The following NR3C1 variants were observed in gnomAD, a reference collection of about 807,000 sequenced individuals.
NR3C1 encodes the protein glucocorticoid receptor.
NR3C1 carries 14 observed loss-of-function variants against 74.0 expected under a neutral mutation model. The observed-to-expected ratio is 0.19, with a 90% CI of 0.12 to 0.30. NR3C1 has a LOEUF of 0.30. Among genes scored for constraint, NR3C1 ranks in the 10% least tolerant of loss-of-function variants. The pLI, the probability that NR3C1 is intolerant of heterozygous loss-of-function variation, is 1.00. For synonymous variants in NR3C1, 308 were observed against 332.5 expected (o/e 0.93, Z 0.80); for missense variants, 695 against 909.8 (o/e 0.76, Z 3.04).
exon 1 of NR3C1, chr5:143,435,177 A>C: frequency 1.0e-6 from 1 of 985,414 alleles, no homozygotes; most frequent in East Asian, 1.1e-4. Flanking sequence ...CCCTGCCTTC[A>C]CCACTTTCCC....
chr5:143,399,167 G>A (rs1561778746), intron 2 of NR3C1, among the ~76,000 whole-genome samples: 1 of 152,194 alleles, frequency 6.6e-6, no homozygotes, highest in African/African-American at 2.4e-5. Flanking sequence ...AGGGCTCTTT[G>A]TTAGTACTTC....
At chr5:143,292,420 A>C (rs548854065) in intron 7 of NR3C1, among the ~76,000 whole-genome samples, 1 of 152,250 alleles carries the variant, frequency 6.6e-6, no homozygotes, top group Non-Finnish European at 1.5e-5. Flanking sequence ...AGGCTAAGGA[A>C]GGGCTAGAAT....
chr5:143,401,199 A>C (rs1416482136), intron 1 of NR3C1: 12 of 275,720 alleles, frequency 4.4e-5, no homozygotes, highest in East Asian at 8.3e-5. Context: ...CTGAAGGTTC[A>C]AGTTGATGTC....
At chr5:143,409,362 T>C (rs1457082906) in intron 1 of NR3C1, 1 of 152,254 alleles carries the variant, frequency 6.6e-6, no homozygotes, top group Non-Finnish European at 1.5e-5. Flanking sequence ...CGTGATTCTT[T>C]GTCATGGCTT....
chr5:143,395,532 T>G (rs1263147045), intron 2 of NR3C1, among the ~76,000 whole-genome samples: 1 of 151,864 alleles, frequency 6.6e-6, no homozygotes, highest in African/African-American at 2.4e-5. Flanking sequence ...CAATTACTCT[T>G]GATGAAAATA....
At chr5:143,421,641 C>A (rs372431679) in intron 1 of NR3C1, among the ~76,000 whole-genome samples, 89 of 152,084 alleles carry the variant, frequency 5.9e-4, no homozygotes, top group African/African-American at 1.9e-3. Context: ...GCCAACATAG[C>A]AAAACCCCAT....
chr5:143,343,821 G>A (rs1457238724), intron 2 of NR3C1, among the ~76,000 whole-genome samples: 1 of 152,108 alleles, frequency 6.6e-6, no homozygotes, highest in African/African-American at 2.4e-5. Context: ...GTGGCACTGG[G>A]CCTAGATTTT....
chr5:143,333,613 C>T (rs1247358414), intron 2 of NR3C1, among the ~76,000 whole-genome samples: 1 of 152,046 alleles, frequency 6.6e-6, no homozygotes, highest in Non-Finnish European at 1.5e-5. Flanking sequence ...ACTAAAAATA[C>T]AAAAATGAGC....
intron 1 of NR3C1, among the ~76,000 whole-genome samples, chr5:143,423,467 G>A (rs72802813): frequency 0.16 from 24,728 of 151,980 alleles, 2,213 homozygotes; most frequent in Middle Eastern, 0.34. Context: ...GCTCTCAAAA[G>A]TGTGGAGAAA....
intron 1 of NR3C1, among the ~76,000 whole-genome samples, chr5:143,421,186 T>C (rs1751211882): frequency 6.6e-6 from 1 of 152,188 alleles, no homozygotes; most frequent in East Asian, 1.9e-4. Flanking sequence ...ATGGCTCCTG[T>C]AGCCTCTGGA....
intron 6 of NR3C1, 101 bp from the exon 7 acceptor site, chr5:143,295,691 AAAAC>A (rs1817021969): frequency 4.4e-6 from 4 of 906,910 alleles, no homozygotes; most frequent in South Asian, 1.3e-5. Context: ...CTCATAAAGA[AAAAC>A]AACTACTGCA....
At position 143,403,294 on chromosome 5, in the gene NR3C1, G is replaced by A. The variant is rs1028188273; in HGVS notation, c.-97C>T. 15 of 984,538 alleles carry A rather than the reference G, an allele frequency of 1.5e-5. No homozygotes were observed. The highest frequency in any genetic ancestry group is 8.7e-5 in the African/African-American group (5 of 57,144). The allele number at this position is 984,538 out of a possible 1,614,324, so 61.0% of individuals were successfully genotyped here. A position where few individuals can be genotyped will look rare whatever the true frequency, so the allele number is the denominator to read the frequency against. On this transcript the variant is annotated 5_prime_UTR_variant, in exon 1 of 9. Coordinates refer to ENST00000394464, the MANE Select transcript of NR3C1 (RefSeq NM_000176.3). ...AACAACTTAGCTTGTGAACGCAGAA[G>A]GAGCAGGAGGGAAATATATTTTTTT... is the stretch of plus-strand genomic sequence containing the variant.
At chr5:143,318,261 T>C (rs1822586158) in intron 2 of NR3C1, among the ~76,000 whole-genome samples, 2 of 152,184 alleles carry the variant, frequency 1.3e-5, no homozygotes, top group African/African-American at 2.4e-5. Context: ...CAGGTAATTA[T>C]AGATTGCCTT....
In NR3C1 at chr5:143,400,200, T is replaced by C. The variant is rs1461639820; in HGVS notation, c.640A>G (p.Arg214Gly). 1 of 1,609,870 alleles carries C rather than the reference T, an allele frequency of 6.2e-7. No individual in the cohort carries two copies. The highest frequency in any genetic ancestry group is 8.5e-7 in the Non-Finnish European group (1 of 1,178,418). The change falls in exon 2 of 9, where the codon AGA becomes GGA. Residue 214 changes from arginine (R) to glycine (G), a missense_variant. Around this residue, in one of 4 missense-constraint regions of NR3C1, gnomAD observed 497 missense variants for 489.5 expected, o/e 1.02. Coordinates refer to ENST00000394464, the MANE Select transcript of NR3C1 (RefSeq NM_000176.3). ...TTTTCATCTATCAACAGGTCTGATCTCCAAGGACTCTCATTCGTCTCTTTA... is the reference window on the plus strand; with the variant it reads ...TTTTCATCTATCAACAGGTCTGATCCCCAAGGACTCTCATTCGTCTCTTTA... ...PGKETNESPW[R>G]SDLLIDENCL...
In NR3C1 at chr5:143,385,304, T is replaced by C. The variant is rs192758384; in HGVS notation, c.1184+14352A>G. ...TCTCTGACATGCCCTGGAAACATTT[T>C]CCCTATTCTACTGGCTATTAACATT... On this transcript the variant is annotated intron_variant, in intron 2 of 8. Coordinates refer to ENST00000394464, the MANE Select transcript of NR3C1 (RefSeq NM_000176.3). Among the ~76,000 whole-genome samples the C allele has an allele frequency of 3.9e-5, 6 of 152,340 alleles. No homozygotes were observed. In the East Asian group the frequency reaches 9.6e-4, roughly 24 times the overall value.
At chr5:143,378,668 G>A (rs1041135431) in intron 2 of NR3C1, among the ~76,000 whole-genome samples, 1 of 152,112 alleles carries the variant, frequency 6.6e-6, no homozygotes, top group African/African-American at 2.4e-5. Context: ...TAGTTTTACT[G>A]TGTGTGTGTT....
At position 143,372,754 on chromosome 5, in the gene NR3C1, A is replaced by G. The variant is rs143937745; in HGVS notation, c.1184+26902T>C. 2.2e-4 allele frequency among the ~76,000 whole-genome samples: 34 copies of G among 152,350 alleles called. No homozygotes were observed. The East Asian group carries it at 6.6e-3, about 29-fold the overall frequency. On this transcript the variant is annotated intron_variant, in intron 2 of 8. Coordinates refer to ENST00000394464, the MANE Select transcript of NR3C1 (RefSeq NM_000176.3). ...GACCCACAACAAGTGTCCCTTGTAC[A>G]GTACAATCGTTTAGAAACTTTTTAC...
Position 143,398,358 on chromosome 5 carries a change from T to G in NR3C1, c.1184+1298A>C, listed in dbSNP as rs72801092. Among the ~76,000 whole-genome samples the G allele has an allele frequency of 1.2e-3, 71 of 57,622 alleles. 1 individual carries two copies. Among genetic ancestry groups the G allele is most frequent in the South Asian group, 7.0e-3 (15 of 2,128 alleles). The allele number at this position is 57,622 out of a possible 152,430, so 37.8% of individuals were successfully genotyped here. ...CATGTAAGAACCAAGGTTTTTTGGTTTTTTTTTTTTTTTTTTTGACAACTA... is the reference window on the plus strand; with the variant it reads ...CATGTAAGAACCAAGGTTTTTTGGTGTTTTTTTTTTTTTTTTTGACAACTA... On this transcript the variant is annotated intron_variant, in intron 2 of 8. Transcript: ENST00000394464.
At position 143,280,235 on chromosome 5, in the gene NR3C1, ATTC is replaced by A. The variant is rs1360562667; in HGVS notation, c.*1651_*1653del. ...GATAAAACAATCTCATCTAAAAATC[ATTC>A]TTATTTTACACTATACAAGCTATTT... On this transcript the variant is annotated 3_prime_UTR_variant, in exon 9 of 9. Coordinates refer to ENST00000394464, the MANE Select transcript of NR3C1 (RefSeq NM_000176.3). 2 of 152,638 alleles carry A rather than the reference ATTC, an allele frequency of 1.3e-5. No homozygotes were observed. The highest frequency in any genetic ancestry group is 2.4e-5 in the African/African-American group (1 of 41,462). 9.5% of individuals were successfully genotyped at this position (152,638 alleles called of 1,614,324 possible).
Sources: allele counts gnomAD v4.1 joint callset (sites outside exome capture counted in the v4.1 genomes callset), GRCh38; gene constraint gnomAD v4.1.1; regional missense constraint gnomAD v4.1.1; transcripts MANE v1.5; gene names NCBI Gene and HGNC (gene_info 2026-07-23, HGNC 2026-07-21).